C11orf65: variants seen among roughly 807,000 people sequenced by gnomAD.
C11orf65 encodes protein MFI.
In C11orf65, 38 loss-of-function variants were observed where a neutral mutation model predicts 35.3. The observed-to-expected ratio is 1.08, with a 90% CI of 0.83 to 1.41. The LOEUF (loss-of-function observed/expected upper bound fraction) is 1.41. Ranked by LOEUF, C11orf65 falls within the 40% of genes most tolerant of loss-of-function variation. C11orf65 has a pLI of 0.00. For missense variants in C11orf65, 370 were observed against 367.1 expected (o/e 1.01, Z -0.06); for synonymous variants, 105 against 114.4 (o/e 0.92, Z 0.53).
chr11:108,317,258 T>G, intron 6 of C11orf65: 2 of 1,118,226 alleles, frequency 1.8e-6, no homozygotes, highest in Non-Finnish European at 2.6e-6. Context: ...GGATTTTAAA[T>G]GATATTGTGA....
Position 108,343,266 on chromosome 11 carries a change from A to G in C11orf65, c.227-7974T>C, listed in dbSNP as rs1555135563. On this transcript the variant is annotated intron_variant, in intron 2 of 3. Coordinates refer to the C11orf65 transcript ENST00000524755. ...GAAGTGGTGTTCTTGAATGGTGCAC[A>G]GGAACTGTCCCCATTGGTGAATTTC... 2 of 1,614,042 alleles carry G rather than the reference A, an allele frequency of 1.2e-6. No homozygotes were observed. Among genetic ancestry groups the G allele is most frequent in the Admixed American group, 1.7e-5 (1 of 60,008 alleles).
At chr11:108,447,079 C>T (rs2093273820) in intron 2 of C11orf65, among the ~76,000 whole-genome samples, 1 of 152,132 alleles carries the variant, frequency 6.6e-6, no homozygotes, top group Admixed American at 6.6e-5. Flanking sequence ...ACAAGAAGAG[C>T]TAACTATCCT....
At chr11:108,454,179 T>G (rs912373398) in intron 2 of C11orf65, among the ~76,000 whole-genome samples, 3 of 152,190 alleles carry the variant, frequency 2.0e-5, no homozygotes, top group Non-Finnish European at 4.4e-5. Context: ...TGCCCATTTC[T>G]TCTAAGTTAT....
intron 2 of C11orf65, chr11:108,365,826 A>ACACG: frequency 5.6e-6 from 2 of 359,980 alleles, no homozygotes; most frequent in South Asian, 2.8e-5. Context: ...AGCCTGGCCA[A>ACACG]GAGACCAGCC....
chr11:108,411,539 A>AT (rs533039159), intron 3 of C11orf65, among the ~76,000 whole-genome samples: 4 of 152,104 alleles, frequency 2.6e-5, no homozygotes, highest in Non-Finnish European at 4.4e-5. Flanking sequence ...TCTGTACTAA[A>AT]TTTTTTTGTG....
Position 108,393,296 on chromosome 11 carries a change from TA to T in C11orf65, c.642del (p.Arg215GlufsTer8), listed in dbSNP as rs1338658568. The part of the protein sequence containing the change: ...GLIHTATKGL[I>X]RAFEDGGIDS... ...TCTATCCCCCCATCTTCAAAAGCTC[TA>T]ATCAGCCCCTTTGTTGCAGTGTGAA... On this transcript the variant is annotated frameshift_variant, in exon 7 of 9. Coordinates refer to ENST00000393084, the MANE Select transcript of C11orf65 (RefSeq NM_152587.5). LOFTEE classifies it high-confidence loss of function. 3 of 1,614,002 alleles carry T rather than the reference TA, an allele frequency of 1.9e-6. No homozygotes were observed. In the African/African-American group the frequency reaches 4.0e-5, roughly 22 times the overall value.
chr11:108,426,044 C>T (rs1325616711), intron 3 of C11orf65, among the ~76,000 whole-genome samples: 2 of 152,138 alleles, frequency 1.3e-5, no homozygotes, highest in East Asian at 1.9e-4. Context: ...CAATACCATA[C>T]TGAATGGGCA....
intron 2 of C11orf65, among the ~76,000 whole-genome samples, chr11:108,364,003 A>G (rs575112542): frequency 6.6e-6 from 1 of 152,320 alleles, no homozygotes; most frequent in East Asian, 1.9e-4. Flanking sequence ...TTGAAGTCAC[A>G]TAGGAAACCT....
intron 2 of C11orf65, among the ~76,000 whole-genome samples, chr11:108,358,860 A>T (rs2090362741): frequency 1.3e-5 from 2 of 151,768 alleles, no homozygotes; most frequent in African/African-American, 4.8e-5. Flanking sequence ...TGTAAAGACC[A>T]TCGAGACTAG....
chr11:108,336,036 C>T, intron 2 of C11orf65: 2 of 1,141,192 alleles, frequency 1.8e-6, no homozygotes, highest in South Asian at 2.5e-5. Flanking sequence ...GTGGCTCATG[C>T]CCATATTCAT....
At chr11:108,451,121 C>T (rs997172990) in intron 2 of C11orf65, among the ~76,000 whole-genome samples, 1 of 151,928 alleles carries the variant, frequency 6.6e-6, no homozygotes, top group Admixed American at 6.6e-5. Context: ...CCTCTCTCAC[C>T]ACTCCTATTC....
intron 2 of C11orf65, chr11:108,368,415 A>G (rs918162167): frequency 4.7e-6 from 1 of 210,948 alleles, no homozygotes; most frequent in African/African-American, 2.3e-5. Context: ...TAGTTGTTGT[A>G]TGCTAAGTCA....
At chr11:108,467,283 A>G (rs916774567) in intron 1 of C11orf65, among the ~76,000 whole-genome samples, 188 bp downstream of exon 1, 1 of 152,068 alleles carries the variant, frequency 6.6e-6, no homozygotes, top group Non-Finnish European at 1.5e-5. Flanking sequence ...AGGACTGTAA[A>G]CCAGCTGGAG....
At chr11:108,357,930 A>T (rs1483025458) in intron 2 of C11orf65, among the ~76,000 whole-genome samples, 1 of 150,864 alleles carries the variant, frequency 6.6e-6, no homozygotes, top group African/African-American at 2.4e-5. Flanking sequence ...CAGCAACGGA[A>T]CAAAGCTGGA....
intron 3 of C11orf65, among the ~76,000 whole-genome samples, chr11:108,413,069 T>C (rs1804103190): frequency 6.6e-6 from 1 of 152,224 alleles, no homozygotes; most frequent in Non-Finnish European, 1.5e-5. Flanking sequence ...ATAAATTAAC[T>C]GGATCCAATT....
At chr11:108,322,188 T>A (rs540411653) in intron 6 of C11orf65, among the ~76,000 whole-genome samples, 20 of 152,274 alleles carry the variant, frequency 1.3e-4, no homozygotes, top group Middle Eastern at 3.4e-3. Context: ...CAAGTCTCGC[T>A]CTGTTGCCCA....
chr11:108,383,139 TTA>T lies in C11orf65; in HGVS notation c.822_823del (p.Tyr274Ter), dbSNP rs757364887. ...CATCTTTGATATGTCTCCTCCATAG[TTA>T]TATATGTTTTTCTGTGCTTGATTAA... is the stretch of plus-strand genomic sequence containing the variant. On this transcript the variant is annotated stop_gained and frameshift_variant, in exon 9 of 9. Coordinates refer to ENST00000393084, the MANE Select transcript of C11orf65 (RefSeq NM_152587.5). LOFTEE classifies it low-confidence loss of function (END_TRUNC). 6.2e-7 allele frequency: 1 copy of T among 1,605,120 alleles called. No homozygotes were observed. The highest frequency in any genetic ancestry group is 1.1e-5 in the South Asian group (1 of 88,822).
intron 3 of C11orf65, among the ~76,000 whole-genome samples, chr11:108,421,152 A>C (rs1037349447): frequency 6.6e-5 from 10 of 152,116 alleles, no homozygotes; most frequent in Admixed American, 5.9e-4. Context: ...TTGTTCAGAC[A>C]TGTCCATGTA....
chr11:108,369,190 G>T (rs1048681389), intron 2 of C11orf65: 1 of 155,990 alleles, frequency 6.4e-6, no homozygotes, highest in African/African-American at 2.4e-5. Flanking sequence ...AGTGAGCAAG[G>T]CAGGCATAGT....
Sources: allele counts gnomAD v4.1 joint callset (sites outside exome capture counted in the v4.1 genomes callset), GRCh38; gene constraint gnomAD v4.1.1; transcripts MANE v1.5; gene names NCBI Gene and HGNC (gene_info 2026-07-23, HGNC 2026-07-21).